The following SLC38A2 variants were observed in gnomAD, a reference collection of about 807,000 sequenced individuals.
SLC38A2 encodes the protein sodium-coupled neutral amino acid symporter 2.
A neutral mutation model predicts 61.5 loss-of-function variants in SLC38A2; 11 were observed. The observed-to-expected ratio is 0.18, with a 90% CI of 0.11 to 0.30. The LOEUF (loss-of-function observed/expected upper bound fraction) is 0.30. Among genes scored for constraint, SLC38A2 ranks in the 10% least tolerant of loss-of-function variants. The probability of loss-of-function intolerance (pLI) is 1.00; values close to 1 mark genes in which losing one functional copy is unlikely to be tolerated. For missense variants in SLC38A2, 522 were observed against 600.4 expected (o/e 0.87, Z 1.36); for synonymous variants, 217 against 212.5 (o/e 1.02, Z -0.18).
In SLC38A2 at chr12:46,372,492, C is replaced by G. The variant is rs1007285553; in HGVS notation, c.-87+17G>C. 3.1e-5 allele frequency: 12 copies of G among 389,750 alleles called. No homozygotes were observed. Among genetic ancestry groups the G allele is most frequent in the Non-Finnish European group, 4.5e-5 (10 of 220,802 alleles). The allele number at this position is 389,750 out of a possible 1,614,324, so 24.1% of individuals were successfully genotyped here. On this transcript the variant is annotated intron_variant, in intron 1 of 15. Coordinates refer to ENST00000256689, the MANE Select transcript of SLC38A2 (RefSeq NM_018976.5). Reference sequence around the variant, plus strand: ...GGCCCCGCGCCCTTCCCACAGACGCCCCCCCGCACGCGTTACCTCGGTGGT... The same window carrying G: ...GGCCCCGCGCCCTTCCCACAGACGCGCCCCCGCACGCGTTACCTCGGTGGT...
At position 46,362,560 on chromosome 12, in the gene SLC38A2, T is replaced by C. The variant is rs757167784; in HGVS notation, c.1258A>G (p.Ile420Val). ...WWRHSLITVS[I>V]LAFTNLLVIF... Reference sequence around the variant, plus strand: ...ACAAGTAAATTGGTAAATGCCAAGATAGACACTGTAATGAGACTATGACGC... The same window carrying C: ...ACAAGTAAATTGGTAAATGCCAAGACAGACACTGTAATGAGACTATGACGC... The change falls in exon 14 of 16, where the codon ATC (isoleucine) becomes GTC (valine). Residue 420 changes from isoleucine (I) to valine (V), a missense_variant. Ile to Val is a conservative substitution (Grantham distance 29). This residue lies in a region of SLC38A2 where 309 missense variants were observed against 343.9 expected (regional missense o/e 0.90). Coordinates refer to ENST00000256689, the MANE Select transcript of SLC38A2 (RefSeq NM_018976.5). 3 of 1,602,786 alleles carry C rather than the reference T, an allele frequency of 1.9e-6. No individual in the cohort carries two copies. The highest frequency in any genetic ancestry group is 1.7e-6 in the Non-Finnish European group (2 of 1,177,300).
intron 1 of SLC38A2, 109 bp downstream of exon 1, chr12:46,372,400 G>A (rs1245472404): frequency 3.2e-6 from 1 of 313,116 alleles, no homozygotes; most frequent in Non-Finnish European, 5.8e-6. Context: ...CGCCTCGAAA[G>A]GAAACGGACC....
chr12:46,364,709 G>A lies in SLC38A2; in HGVS notation c.647-7C>T, dbSNP rs779523561. ...CTGGTATATCCCAAATATCCTATAA[G>A]GAGGGGTGGCAGGAATCAGTATTAG... On this transcript the variant is annotated splice_region_variant and splice_polypyrimidine_tract_variant and intron_variant, in intron 8 of 15. Coordinates refer to ENST00000256689, the MANE Select transcript of SLC38A2 (RefSeq NM_018976.5). The A allele has an allele frequency of 8.7e-6, 14 of 1,603,484 alleles. No individual in the cohort carries two copies. Among genetic ancestry groups the A allele is most frequent in the South Asian group, 1.1e-5 (1 of 88,728 alleles).
At position 46,363,238 on chromosome 12, in the gene SLC38A2, T is replaced by C. The variant is rs1332844955; in HGVS notation, c.1055-93A>G. On this transcript the variant is annotated intron_variant, in intron 12 of 15. Coordinates refer to ENST00000256689, the MANE Select transcript of SLC38A2 (RefSeq NM_018976.5). Reference sequence around the variant, plus strand: ...GCAAAATGTGCACCAGTTATTTAGCTACTCACAAAACGACTATAAACTAAG... The same window carrying C: ...GCAAAATGTGCACCAGTTATTTAGCCACTCACAAAACGACTATAAACTAAG... 5.0e-6 allele frequency: 7 copies of C among 1,386,194 alleles called. No individual in the cohort carries two copies. The African/African-American group carries it at 1.0e-4, about 20-fold the overall frequency. 85.9% of individuals were successfully genotyped at this position (1,386,194 alleles called of 1,614,324 possible).
In SLC38A2 at chr12:46,362,299, A is replaced by G. The variant is rs751441058; in HGVS notation, c.1407T>C (p.Ser469=). The G allele has an allele frequency of 1.9e-5, 30 of 1,609,406 alleles. No homozygotes were observed. In the Middle Eastern group the frequency reaches 5.0e-4, roughly 27 times the overall value. The change falls in exon 15 of 16, where the codon TCT becomes TCC. Residue 469 remains serine, a synonymous_variant. Coordinates refer to ENST00000256689, the MANE Select transcript of SLC38A2 (RefSeq NM_018976.5). ...TTTCACTCACCCCAATCTTTTGTAC[A>G]GATTTCATAGGTTCTTTCTTCACCA... The part of the protein sequence containing the change: ...IKLVKKEPMK[S]VQKIGALFFL...
At chr12:46,362,688 A>G in intron 13 of SLC38A2, 50 bp from the exon 14 acceptor site, 3 of 1,527,680 alleles carry the variant, frequency 2.0e-6, no homozygotes, top group Non-Finnish European at 2.6e-6. Context: ...GCAATATAAA[A>G]TTTAAAAATC....
At position 46,360,982 on chromosome 12, in the gene SLC38A2, A is replaced by C; in HGVS notation, c.*129T>G. On this transcript the variant is annotated 3_prime_UTR_variant, in exon 16 of 16. Coordinates refer to ENST00000256689, the MANE Select transcript of SLC38A2 (RefSeq NM_018976.5). ...AAAAAAGTTCACTTATTCTGCACTC[A>C]GAAGAACCAGCGAGGAATCTGCACT... 1 of 688,708 alleles carries C rather than the reference A, an allele frequency of 1.5e-6. No individual in the cohort carries two copies. The highest frequency in any genetic ancestry group is 2.0e-5 in the South Asian group (1 of 49,464). The allele number at this position is 688,708 out of a possible 1,614,324, so 42.7% of individuals were successfully genotyped here. A position where few individuals can be genotyped will look rare whatever the true frequency, so the allele number is the denominator to read the frequency against.
chr12:46,367,748 G>A (rs925519092), intron 4 of SLC38A2, among the ~76,000 whole-genome samples: 1 of 152,086 alleles, frequency 6.6e-6, no homozygotes, highest in Non-Finnish European at 1.5e-5. Flanking sequence ...AGTAATATCC[G>A]CCACTAAACC....
rs755892886 is a variant in SLC38A2 at position 46,358,288 on chromosome 12, G to A, written c.*2823C>T. ...TTTGCCAACAAGCCATACTAGAATT[G>A]TTGGCCTCTAACAGTACAGTGGGGA... On this transcript the variant is annotated 3_prime_UTR_variant, in exon 16 of 16. Coordinates refer to ENST00000256689, the MANE Select transcript of SLC38A2 (RefSeq NM_018976.5). The A allele has an allele frequency of 2.0e-5, 3 of 152,574 alleles. No homozygotes were observed. The highest frequency in any genetic ancestry group is 2.9e-5 in the Non-Finnish European group (2 of 68,026). 9.5% of individuals were successfully genotyped at this position (152,574 alleles called of 1,614,324 possible).
At chr12:46,364,889 C>T in intron 8 of SLC38A2, 187 bp from the exon 9 acceptor site, 1 of 669,528 alleles carries the variant, frequency 1.5e-6, no homozygotes, top group South Asian at 2.1e-5. Context: ...TGTCATAACC[C>T]AAGCTAATAA....
rs1361949404 is a variant in SLC38A2, at chr12:46,361,198, G to A, written c.1434C>T (p.Phe478=). ...KSVQKIGALF[F]LLSGVLVMTG... ...TCATCACCAGTACACCACTTAACAGGAAGAACAAAGCCTGCAAAGAGCATA... is the reference window on the plus strand; with the variant it reads ...TCATCACCAGTACACCACTTAACAGAAAGAACAAAGCCTGCAAAGAGCATA... The change falls in exon 16 of 16, where the codon TTC becomes TTT. Residue 478 remains phenylalanine (F), a synonymous_variant. Transcript: ENST00000256689. 2.5e-6 allele frequency: 4 copies of A among 1,613,188 alleles called. No homozygotes were observed. The highest frequency in any genetic ancestry group is 3.4e-6 in the Non-Finnish European group (4 of 1,179,540).
At chr12:46,367,843 G>T (rs1049803700) in intron 4 of SLC38A2, among the ~76,000 whole-genome samples, 1 of 152,144 alleles carries the variant, frequency 6.6e-6, no homozygotes, top group African/African-American at 2.4e-5. Context: ...ACAAAAACAG[G>T]AATGACAGGC....
At chr12:46,362,996 G>A in intron 13 of SLC38A2, 25 bp downstream of exon 13, 2 of 1,610,678 alleles carry the variant, frequency 1.2e-6, no homozygotes, top group Non-Finnish European at 1.7e-6. Context: ...CCTTCCTACT[G>A]AAAGCAGAGC....
At position 46,360,286 on chromosome 12, in the gene SLC38A2, T is replaced by C. The variant is rs943131516; in HGVS notation, c.*825A>G. The C allele has an allele frequency of 6.6e-6, 1 of 152,588 alleles. No individual in the cohort carries two copies. The highest frequency in any genetic ancestry group is 1.5e-5 in the Non-Finnish European group (1 of 68,032). The allele number at this position is 152,588 out of a possible 1,614,324, so 9.5% of individuals were successfully genotyped here. A position where few individuals can be genotyped will look rare whatever the true frequency, so the allele number is the denominator to read the frequency against. On this transcript the variant is annotated 3_prime_UTR_variant, in exon 16 of 16. Coordinates refer to ENST00000256689, the MANE Select transcript of SLC38A2 (RefSeq NM_018976.5). ...CTGCATTATCTTCCATTCTAATAAG[T>C]TGAAGACACAAACATTTCAGTCTGA...
intron 2 of SLC38A2, 109 bp from the exon 3 acceptor site, chr12:46,370,966 A>T (rs1943190018): frequency 1.1e-6 from 1 of 888,820 alleles, no homozygotes; most frequent in African/African-American, 1.7e-5. Flanking sequence ...CTCTGATACA[A>T]CATCTTTACT....
chr12:46,370,488 G>T, intron 4 of SLC38A2, 24 bp downstream of exon 4: 1 of 1,538,710 alleles, frequency 6.5e-7, no homozygotes, highest in Non-Finnish European at 9.0e-7. Flanking sequence ...CTGCATGGCA[G>T]ACTCACTACT....
chr12:46,362,753 T>G, intron 13 of SLC38A2, 115 bp from the exon 14 acceptor site: 1 of 1,137,726 alleles, frequency 8.8e-7, no homozygotes, highest in Non-Finnish European at 1.2e-6. Context: ...TCCAAAATAG[T>G]AACTATTTCT....
In SLC38A2 at chr12:46,361,154, A is replaced by G; in HGVS notation, c.1478T>C (p.Ile493Thr). Reference sequence around the variant, plus strand: ...TGCATTGTGTACCCAATCCAAAACAATCAAGGCCATGCTTCCGGTCATCAC... The same window carrying G: ...TGCATTGTGTACCCAATCCAAAACAGTCAAGGCCATGCTTCCGGTCATCAC... Reference protein sequence around the residue: ...VLVMTGSMALIVLDWVHNAPG... With the variant: ...VLVMTGSMALTVLDWVHNAPG... The change falls in exon 16 of 16, where the codon ATT (isoleucine) becomes ACT (threonine). Residue 493 changes from isoleucine (I) to threonine (T), a missense_variant. Coordinates refer to ENST00000256689, the MANE Select transcript of SLC38A2 (RefSeq NM_018976.5). 6.2e-7 allele frequency: 1 copy of G among 1,613,674 alleles called. No individual in the cohort carries two copies. The highest frequency in any genetic ancestry group is 8.5e-7 in the Non-Finnish European group (1 of 1,179,710).
At chr12:46,362,208 A>T in intron 15 of SLC38A2, 76 bp downstream of exon 15, 1 of 1,173,934 alleles carries the variant, frequency 8.5e-7, no homozygotes, top group Non-Finnish European at 1.2e-6. Context: ...AATAACAGCT[A>T]TGAGAATAAA....
Sources: gnomAD v4.1 joint callset for allele counts (sites outside exome capture counted in the v4.1 genomes callset) on GRCh38, gnomAD v4.1.1 for gene constraint, gnomAD v4.1.1 regional missense constraint, MANE v1.5 for transcripts, NCBI Gene and HGNC (gene_info 2026-07-23, HGNC 2026-07-21) for gene names.